CGNL1: variants seen among roughly 807,000 people sequenced by gnomAD.
The protein encoded by CGNL1 is cingulin-like protein 1.
Under a neutral mutation model 141.2 loss-of-function variants are expected in CGNL1, and 132 were observed. The ratio of observed to expected loss-of-function variants is 0.93; its 90% CI spans 0.81 to 1.08. The LOEUF (loss-of-function observed/expected upper bound fraction) is 1.08. Among genes scored for constraint, CGNL1 ranks in the 50% least tolerant of loss-of-function variants. The probability of loss-of-function intolerance (pLI) is 0.00; values close to 1 mark genes in which losing one functional copy is unlikely to be tolerated. For missense variants in CGNL1, 1,870 were observed against 1,588.6 expected (o/e 1.18, Z -3.01); for synonymous variants, 690 against 622.1 (o/e 1.11, Z -1.63).
chr15:57,425,057 T>A (rs2062957688), intron 1 of CGNL1, among the ~76,000 whole-genome samples: 1 of 151,870 alleles, frequency 6.6e-6, no homozygotes, highest in African/African-American at 2.4e-5. Context: ...ATCGTTGAGA[T>A]TTTTTTTTCT....
chr15:57,517,643 G>C (rs1306077312), intron 9 of CGNL1, among the ~76,000 whole-genome samples: 1 of 152,208 alleles, frequency 6.6e-6, no homozygotes, highest in Admixed American at 6.5e-5. Flanking sequence ...CCGTCCTTCT[G>C]TGTTGAAGTG....
Position 57,461,851 on chromosome 15 carries a change from G to C in CGNL1, c.2362G>C (p.Glu788Gln). Residue 788 changes from glutamate to glutamine, a missense_variant, in exon 8 of 19, where the codon GAG becomes CAG. Glu to Gln is a conservative substitution (Grantham distance 29). Transcript: ENST00000281282. ...MDKLKEQYDA[E>Q]LQALRESVEE... The stretch of plus-strand genomic sequence containing the variant: ...CAAGCTGAAGGAGCAATATGATGCT[G>C]AGTTGCAGGCCCTGAGGGAGAGTGT... 1 of 1,614,040 alleles carries C rather than the reference G, an allele frequency of 6.2e-7. No individual in the cohort carries two copies. The highest frequency in any genetic ancestry group is 8.5e-7 in the Non-Finnish European group (1 of 1,179,998).
intron 1 of CGNL1, among the ~76,000 whole-genome samples, chr15:57,414,790 C>G (rs986414898): frequency 4.6e-5 from 7 of 152,150 alleles, no homozygotes; most frequent in African/African-American, 1.7e-4. Flanking sequence ...GCTTCAAATT[C>G]TCCTTATTAA....
At chr15:57,524,177 GAATTTTATCTGTATCTGCTGATAA>G (rs1308276681) in intron 11 of CGNL1, among the ~76,000 whole-genome samples, 1 of 152,210 alleles carries the variant, frequency 6.6e-6, no homozygotes, top group Non-Finnish European at 1.5e-5. Context: ...TTTCTAACTA[GAATTTTATCTGTATCTGCTGATAA>G]AATTTTATCT....
intron 8 of CGNL1, among the ~76,000 whole-genome samples, chr15:57,496,044 A>G (rs868489968): frequency 4.6e-5 from 7 of 152,208 alleles, no homozygotes; most frequent in African/African-American, 1.7e-4. Context: ...GAACTCCAAG[A>G]TAAGATAAAT....
intron 1 of CGNL1, among the ~76,000 whole-genome samples, chr15:57,384,013 T>C (rs1463193148): frequency 7.3e-6 from 1 of 136,690 alleles, no homozygotes; most frequent in East Asian, 2.3e-4. Context: ...GTGGCCAGAC[T>C]AGCTCAGCCC....
chr15:57,383,626 CTTTTCTTTTTT>C (rs2062450925), intron 1 of CGNL1, among the ~76,000 whole-genome samples: 1 of 62,780 alleles, frequency 1.6e-5, no homozygotes, highest in African/African-American at 1.4e-4. Context: ...CTTTTCTTTT[CTTTTCTTTTTT>C]TTTTTGAGAT....
intron 14 of CGNL1, among the ~76,000 whole-genome samples, chr15:57,533,935 G>C (rs1355956372): frequency 6.6e-6 from 1 of 152,222 alleles, no homozygotes; most frequent in African/African-American, 2.4e-5. Context: ...AGAGCAGTGG[G>C]CTGGCAGTCC....
intron 8 of CGNL1, among the ~76,000 whole-genome samples, chr15:57,492,694 A>G (rs2063883210): frequency 4.8e-5 from 1 of 20,750 alleles, no homozygotes; most frequent in South Asian, 2.8e-3. Flanking sequence ...TTTGTTGTCC[A>G]TAAGGAAAAA....
intron 8 of CGNL1, among the ~76,000 whole-genome samples, chr15:57,480,384 G>A (rs1437968576): frequency 1.4e-5 from 2 of 148,134 alleles, no homozygotes; most frequent in East Asian, 2.0e-4. Context: ...GTTGGGTGTG[G>A]TGGTGTACAT....
At chr15:57,491,631 T>C (rs1371099546) in intron 8 of CGNL1, among the ~76,000 whole-genome samples, 1 of 152,204 alleles carries the variant, frequency 6.6e-6, no homozygotes, top group African/African-American at 2.4e-5. Flanking sequence ...GATGCTCACA[T>C]TGTAGCTAAG....
intron 8 of CGNL1, among the ~76,000 whole-genome samples, chr15:57,513,577 A>G (rs7170533): frequency 0.07 from 10,639 of 151,926 alleles, 449 homozygotes; most frequent in South Asian, 0.085. Flanking sequence ...CTGGAGTGCA[A>G]TGGTGTGATC....
chr15:57,507,210 C>T (rs747951606), intron 8 of CGNL1, among the ~76,000 whole-genome samples: 10 of 152,120 alleles, frequency 6.6e-5, no homozygotes, highest in Admixed American at 2.6e-4. Flanking sequence ...TGTTGTGTTT[C>T]GGAAAAATCA....
At chr15:57,413,608 T>C (rs2062817457) in intron 1 of CGNL1, among the ~76,000 whole-genome samples, 1 of 152,200 alleles carries the variant, frequency 6.6e-6, no homozygotes, top group African/African-American at 2.4e-5. Flanking sequence ...GGGAAACCAC[T>C]CCTTCCTGGC....
At chr15:57,540,073 G>A (rs560679806) in intron 14 of CGNL1, among the ~76,000 whole-genome samples, 4 of 152,190 alleles carry the variant, frequency 2.6e-5, no homozygotes, top group Admixed American at 2.0e-4. Context: ...CCAATCCATC[G>A]ATTGCTTAAC....
At chr15:57,471,842 A>G (rs928414530) in intron 8 of CGNL1, among the ~76,000 whole-genome samples, 9 of 152,166 alleles carry the variant, frequency 5.9e-5, no homozygotes, top group African/African-American at 1.9e-4. Context: ...TAATTAAGCA[A>G]ATATCTAAGG....
At chr15:57,417,525 C>T (rs1272362070) in intron 1 of CGNL1, among the ~76,000 whole-genome samples, 1 of 152,158 alleles carries the variant, frequency 6.6e-6, no homozygotes, top group Admixed American at 6.5e-5. Context: ...TGAGCCACTG[C>T]ACCCAGCCTA....
intron 8 of CGNL1, among the ~76,000 whole-genome samples, chr15:57,502,146 T>C (rs1192462004): frequency 1.3e-5 from 2 of 152,184 alleles, no homozygotes; most frequent in Non-Finnish European, 2.9e-5. Context: ...AGGAAGGACC[T>C]TGGACAGTTT....
chr15:57,535,804 G>C (rs28689990), intron 14 of CGNL1, among the ~76,000 whole-genome samples: 2,636 of 152,286 alleles, frequency 0.017, 75 homozygotes, highest in African/African-American at 0.06. Flanking sequence ...ACTGGAGAAG[G>C]GGCGACTGAG....
Sources: gnomAD v4.1 joint callset for allele counts (sites outside exome capture counted in the v4.1 genomes callset) on GRCh38, gnomAD v4.1.1 for gene constraint, MANE v1.5 for transcripts, NCBI Gene and HGNC (gene_info 2026-07-23, HGNC 2026-07-21) for gene names.